Variants in FRMD4B observed in about 807,000 individuals in gnomAD.
The protein encoded by FRMD4B is FERM domain-containing protein 4B.
A neutral mutation model predicts 141.5 loss-of-function variants in FRMD4B; 74 were observed. The ratio of observed to expected loss-of-function variants is 0.52; its 90% CI spans 0.43 to 0.63. FRMD4B has a LOEUF of 0.63. Ranked by LOEUF, FRMD4B falls within the 30% of genes least tolerant of loss-of-function variation. The pLI is 0.00. For missense variants in FRMD4B, 1,366 were observed against 1,253.4 expected, an observed-to-expected ratio of 1.09 and a Z score of -1.36; for synonymous variants, 506 against 467.9, an observed-to-expected ratio of 1.08 and a Z score of -1.05.
chr3:69,376,792 C>G (rs929666719), intron 1 of FRMD4B: 1 of 151,800 alleles, frequency 6.6e-6, no homozygotes, highest in Non-Finnish European at 1.5e-5. Context: ...GTCATATGGT[C>G]TTGTTTATAA....
At chr3:69,369,808 C>A (rs1412385273) in intron 1 of FRMD4B, among the ~76,000 whole-genome samples, 1 of 152,118 alleles carries the variant, frequency 6.6e-6, no homozygotes, top group African/African-American at 2.4e-5. Context: ...ACACTGAATT[C>A]ATTTAAAAAT....
At chr3:69,186,212 A>AT (rs1405532219) in intron 19 of FRMD4B, among the ~76,000 whole-genome samples, 1 of 135,642 alleles carries the variant, frequency 7.4e-6, no homozygotes, top group Non-Finnish European at 1.6e-5. Context: ...TCATGGTGCT[A>AT]TTTTTTTGAA....
At chr3:69,278,753 A>G (rs2093630490) in intron 5 of FRMD4B, among the ~76,000 whole-genome samples, 1 of 151,484 alleles carries the variant, frequency 6.6e-6, no homozygotes, top group African/African-American at 2.4e-5. Flanking sequence ...CACCTGGCTA[A>G]TTTTTTTTTA....
At chr3:69,511,774 T>C (rs1498855) in intron 1 of FRMD4B, among the ~76,000 whole-genome samples, 4 of 152,156 alleles carry the variant, frequency 2.6e-5, no homozygotes, top group African/African-American at 7.2e-5. Context: ...CAGACCTGCA[T>C]TTGTGGTCTG....
At chr3:69,399,524 G>A (rs1224034262) in intron 2 of FRMD4B, among the ~76,000 whole-genome samples, 1 of 152,178 alleles carries the variant, frequency 6.6e-6, no homozygotes, top group Non-Finnish European at 1.5e-5. Flanking sequence ...CTGACTGTAA[G>A]GATTGCTCTG....
At chr3:69,368,726 C>T (rs1429458314) in intron 1 of FRMD4B, among the ~76,000 whole-genome samples, 4 of 152,184 alleles carry the variant, frequency 2.6e-5, no homozygotes, top group South Asian at 2.1e-4. Flanking sequence ...GGTGCAATCA[C>T]GGCTCACTGC....
At chr3:69,305,088 G>C (rs931535169) in intron 3 of FRMD4B, among the ~76,000 whole-genome samples, 2 of 152,206 alleles carry the variant, frequency 1.3e-5, no homozygotes, top group African/African-American at 2.4e-5. Flanking sequence ...GAAAGTGCTA[G>C]AGCTGGGATT....
intron 1 of FRMD4B, among the ~76,000 whole-genome samples, chr3:69,370,018 A>G (rs1279731454): frequency 2.0e-5 from 3 of 152,172 alleles, no homozygotes; most frequent in Non-Finnish European, 2.9e-5. Context: ...AGAATTTTGA[A>G]AAGCTTGAAC....
intron 5 of FRMD4B, among the ~76,000 whole-genome samples, chr3:69,269,104 T>C (rs1354486358): frequency 6.6e-6 from 1 of 151,548 alleles, no homozygotes; most frequent in Admixed American, 6.6e-5. Flanking sequence ...AATTTTTGTA[T>C]TTTTAGTAGA....
chr3:69,267,626 TATATATATATAGAGAGAG>T (rs2093572027), intron 5 of FRMD4B, among the ~76,000 whole-genome samples: 17 of 13,908 alleles, frequency 1.2e-3, no homozygotes, highest in African/African-American at 4.0e-3. Context: ...TATATATATA[TATATATATATAGAGAGAG>T]AGAGAGAGAG....
chr3:69,363,007 C>A (rs1251774016), intron 1 of FRMD4B, among the ~76,000 whole-genome samples: 2 of 141,104 alleles, frequency 1.4e-5, no homozygotes, highest in African/African-American at 5.2e-5. Flanking sequence ...AAAAAAAAAA[C>A]AAACAAAAAG....
rs771537044 is a variant in FRMD4B, at chr3:69,183,474, ATTTT to A, written c.1920-761_1920-758del. The stretch of plus-strand genomic sequence containing the variant: ...ATGGTGACAACACAATTAGAAGTTA[ATTTT>A]TTTTTTTTTTTTTTTTTTTTTTGAG... On this transcript the variant is annotated intron_variant, in intron 19 of 22. Transcript: ENST00000398540. Among the ~76,000 whole-genome samples, 429 of 113,270 alleles carry A rather than the reference ATTTT, an allele frequency of 3.8e-3. 4 individuals are homozygous for A. Among genetic ancestry groups the A allele is most frequent in the African/African-American group, 0.016 (415 of 26,482 alleles). 74.3% of individuals were successfully genotyped at this position (113,270 alleles called of 152,430 possible). A position where few individuals can be genotyped will look rare whatever the true frequency, so the allele number is the denominator to read the frequency against.
At chr3:69,537,227 C>T (rs897848248) in intron 1 of FRMD4B, among the ~76,000 whole-genome samples, 2 of 152,210 alleles carry the variant, frequency 1.3e-5, no homozygotes, top group African/African-American at 2.4e-5. Context: ...GGCCCCTCTG[C>T]TGTGAGTGAA....
rs549956659 is a variant in FRMD4B at position 69,481,818 on chromosome 3, C to T, written c.-128-49057G>A. 3.9e-5 allele frequency among the ~76,000 whole-genome samples: 6 copies of T among 152,258 alleles called. No homozygotes were observed. In the South Asian group the frequency reaches 8.3e-4, roughly 21 times the overall value. ...GACCTTGTTGGAGTCAGATACTCAC[C>T]TCTGGATAAACTAGCAGTCAGCAGA... is the stretch of plus-strand genomic sequence containing the variant. On this transcript the variant is annotated intron_variant, in intron 1 of 5. Transcript: ENST00000459638.
Position 69,201,475 on chromosome 3 carries a change from G to T in FRMD4B, c.877-2701C>A, listed in dbSNP as rs534580029. 3.9e-5 allele frequency among the ~76,000 whole-genome samples: 6 copies of T among 152,150 alleles called. No homozygotes were observed. The East Asian group carries it at 1.2e-3, about 29-fold the overall frequency. Reference sequence around the variant, plus strand: ...ATATATATAAAATGAATATAGGTTGGTCTGTTTTGTACAAGAGTGAGATTT... The same window carrying T: ...ATATATATAAAATGAATATAGGTTGTTCTGTTTTGTACAAGAGTGAGATTT... On this transcript the variant is annotated intron_variant, in intron 11 of 22. Transcript: ENST00000398540.
At chr3:69,346,698 T>G (rs983808468) in intron 1 of FRMD4B, among the ~76,000 whole-genome samples, 1 of 152,158 alleles carries the variant, frequency 6.6e-6, no homozygotes, top group East Asian at 1.9e-4. Flanking sequence ...AAGAAAAGAA[T>G]TTCCAACCCA....
At chr3:69,431,938 A>G (rs899463090) in intron 2 of FRMD4B, among the ~76,000 whole-genome samples, 1 of 152,238 alleles carries the variant, frequency 6.6e-6, no homozygotes, top group African/African-American at 2.4e-5. Flanking sequence ...AACTTCTGAG[A>G]GCATCTCATG....
intron 3 of FRMD4B, among the ~76,000 whole-genome samples, chr3:69,308,323 T>C (rs1261876368): frequency 1.3e-5 from 2 of 152,216 alleles, no homozygotes; most frequent in East Asian, 3.9e-4. Flanking sequence ...GTTAAGTAAC[T>C]GTTCTAAGGT....
At chr3:69,279,687 CTCCCCTCCTCCTTCT>C (rs2093634798) in intron 5 of FRMD4B, among the ~76,000 whole-genome samples, 1 of 44,106 alleles carries the variant, frequency 2.3e-5, no homozygotes, top group Non-Finnish European at 5.6e-5. Flanking sequence ...CCTCCTCCTC[CTCCCCTCCTCCTTCT>C]CCTCTTCCCC....
Sources: gnomAD v4.1 joint callset for allele counts (sites outside exome capture counted in the v4.1 genomes callset) on GRCh38, gnomAD v4.1.1 for gene constraint, MANE v1.5 for transcripts, NCBI Gene and HGNC (gene_info 2026-07-23, HGNC 2026-07-21) for gene names.